ALKBH1: variants seen among roughly 807,000 people sequenced by gnomAD.
ALKBH1 encodes the protein alkB homolog 1, histone H2A dioxygenase, also known as nucleic acid dioxygenase ALKBH1.
ALKBH1 carries 31 observed loss-of-function variants against 36.6 expected under a neutral mutation model. The observed-to-expected ratio is 0.85, with a 90% CI of 0.64 to 1.14. ALKBH1 has a LOEUF of 1.14. Ranked by LOEUF, ALKBH1 falls within the 50% of genes most tolerant of loss-of-function variation. The pLI is 0.00. For synonymous variants in ALKBH1, 183 were observed against 186.6 expected, an observed-to-expected ratio of 0.98 and a Z score of 0.16; for missense variants, 490 against 497.3, an observed-to-expected ratio of 0.99 and a Z score of 0.14.
chr14:77,696,378 C>T (rs1022202843), intron 2 of ALKBH1, among the ~76,000 whole-genome samples: 12 of 152,166 alleles, frequency 7.9e-5, no homozygotes, highest in Middle Eastern at 3.4e-3. Context: ...TCAGTAGAGA[C>T]GGGGTTTCAC....
chr14:77,689,712 G>A (rs1288566691), intron 3 of ALKBH1, among the ~76,000 whole-genome samples: 2 of 152,000 alleles, frequency 1.3e-5, no homozygotes, highest in African/African-American at 4.8e-5. Flanking sequence ...AAGAGGAGAG[G>A]ATTAATTCTG....
rs766835374 is a variant in ALKBH1 at position 77,707,856 on chromosome 14, T to C, written c.149A>G (p.His50Arg). ...LEGVIDFSAA[H>R]AARGKGPGAQ... ...ACCAGGACCCTTGCCACGGGCTGCG[T>C]GGGCCGCCGAGAAGTCGATGACCCC... Residue 50 changes from histidine (H) to arginine (R), a missense_variant, in exon 1 of 6, where the codon CAC becomes CGC. By Grantham distance (29) the His-to-Arg change is conservative. Transcript: ENST00000216489. 6.2e-7 allele frequency: 1 copy of C among 1,612,210 alleles called. No individual in the cohort carries two copies.
intron 3 of ALKBH1, chr14:77,683,153 T>A: frequency 9.5e-6 from 1 of 105,036 alleles, no homozygotes; most frequent in Non-Finnish European, 2.0e-5. Context: ...TAAAGTCTTT[T>A]TTTTTTTTTT....
At chr14:77,683,583 T>C (rs1477632087) in intron 3 of ALKBH1, 2 of 460,070 alleles carry the variant, frequency 4.3e-6, no homozygotes, top group Non-Finnish European at 8.1e-6. Flanking sequence ...CATCCTCCTT[T>C]TTTTTTGAGA....
intron 1 of ALKBH1, 84 bp downstream of exon 1, chr14:77,707,738 G>A (rs1022058424): frequency 2.0e-6 from 3 of 1,478,092 alleles, no homozygotes; most frequent in Non-Finnish European, 2.7e-6. Flanking sequence ...GTCTGGAGGT[G>A]AAAAGAGGCG....
In ALKBH1 at chr14:77,675,742, G is replaced by C. The variant is rs771184895; in HGVS notation, c.654C>G (p.Ile218Met). The change falls in exon 5 of 6, where the codon ATC (isoleucine) becomes ATG (methionine). Residue 218 changes from isoleucine (I) to methionine (M), a missense_variant. Physicochemically the swap from Ile to Met is conservative, Grantham distance 10. Coordinates refer to ENST00000216489, the MANE Select transcript of ALKBH1 (RefSeq NM_006020.3). ...TGGAGTCCAGGCGGTAGTAATTCAG[G>C]ATCCCTGCTTCAGCTCGGAAATCCT... ...GFEDFRAEAG[I>M]LNYYRLDSTL... The C allele has an allele frequency of 6.2e-7, 1 of 1,614,042 alleles. No homozygotes were observed. Among genetic ancestry groups the C allele is most frequent in the Non-Finnish European group, 8.5e-7 (1 of 1,180,034 alleles).
In ALKBH1 at chr14:77,679,915, C is replaced by G; in HGVS notation, c.511G>C (p.Val171Leu). The change falls in exon 4 of 6, where the codon GTG (valine) becomes CTG (leucine). Residue 171 changes from valine (V) to leucine (L), a missense_variant. By Grantham distance (32) the Val-to-Leu change is conservative. Transcript: ENST00000216489. Reference sequence around the variant, plus strand: ...CAGTTATAATGGTAGCCTACGGTCACCCAACGCAGTTTCTCCAGTAAACTT... The same window carrying G: ...CAGTTATAATGGTAGCCTACGGTCAGCCAACGCAGTTTCTCCAGTAAACTT... ...PRSLLEKLRWVTVGYHYNWDS... is the reference protein window; with the variant it reads ...PRSLLEKLRWLTVGYHYNWDS... 4.3e-6 allele frequency: 7 copies of G among 1,614,138 alleles called. No homozygotes were observed. Among genetic ancestry groups the G allele is most frequent in the Non-Finnish European group, 5.9e-6 (7 of 1,179,984 alleles).
intron 1 of ALKBH1, among the ~76,000 whole-genome samples, chr14:77,705,408 T>TGAGAAAAAA (rs1475359823): frequency 3.5e-5 from 2 of 57,490 alleles, no homozygotes; most frequent in African/African-American, 7.0e-5. Context: ...AGACTCCGTC[T>TGAGAAAAAA]AAGAAAAAAA....
chr14:77,676,225 C>T (rs2080205058), intron 4 of ALKBH1, among the ~76,000 whole-genome samples: 1 of 151,482 alleles, frequency 6.6e-6, no homozygotes, highest in Admixed American at 6.6e-5. Flanking sequence ...TCAAATGATC[C>T]TCCTGCCTCA....
intron 3 of ALKBH1, among the ~76,000 whole-genome samples, chr14:77,682,769 C>G (rs111689743): frequency 0.065 from 9,828 of 152,226 alleles, 381 homozygotes; most frequent in African/African-American, 0.095. Context: ...ACGATCTTGG[C>G]TCACTGCAAC....
intron 3 of ALKBH1, among the ~76,000 whole-genome samples, chr14:77,692,370 G>A (rs1041752065): frequency 1.3e-5 from 2 of 151,506 alleles, no homozygotes; most frequent in African/African-American, 2.4e-5. Flanking sequence ...TTTCATGGAA[G>A]AGAATTTGTC....
At chr14:77,686,692 C>T (rs571551630) in intron 3 of ALKBH1, among the ~76,000 whole-genome samples, 16 of 152,262 alleles carry the variant, frequency 1.1e-4, no homozygotes, top group Admixed American at 5.9e-4. Flanking sequence ...GGCGTGATCT[C>T]GGCTCACTGC....
rs761922490 is a variant in ALKBH1, at chr14:77,704,494, A to C, written c.184-17T>G. ...TTTGATCACCTGGCAGGAAGGAAAC[A>C]GAAGTTAAAGGACTAAATCTATTTT... On this transcript the variant is annotated splice_polypyrimidine_tract_variant and intron_variant, in intron 1 of 5. Coordinates refer to ENST00000216489, the MANE Select transcript of ALKBH1 (RefSeq NM_006020.3). The C allele has an allele frequency of 6.3e-7, 1 of 1,599,064 alleles. No homozygotes were observed. The highest frequency in any genetic ancestry group is 8.6e-7 in the Non-Finnish European group (1 of 1,166,354).
chr14:77,706,164 T>C (rs1210672569), intron 1 of ALKBH1, among the ~76,000 whole-genome samples: 2 of 152,066 alleles, frequency 1.3e-5, no homozygotes, highest in Non-Finnish European at 2.9e-5. Flanking sequence ...TCTTATCAAC[T>C]TCTCCAAGTG....
chr14:77,686,317 A>C (rs751137398), intron 3 of ALKBH1, among the ~76,000 whole-genome samples: 3 of 152,210 alleles, frequency 2.0e-5, no homozygotes, highest in Non-Finnish European at 4.4e-5. Flanking sequence ...ACTTGTCCAA[A>C]AGGAGGTCAA....
chr14:77,680,294 A>T (rs2080229712), intron 3 of ALKBH1, among the ~76,000 whole-genome samples: 2 of 152,326 alleles, frequency 1.3e-5, no homozygotes, highest in African/African-American at 4.8e-5. Flanking sequence ...TCCATGGGAA[A>T]TGGTACCAAG....
chr14:77,704,448 A>G lies in ALKBH1; in HGVS notation c.213T>C (p.Ser71=). 1 of 1,614,194 alleles carries G rather than the reference A, an allele frequency of 6.2e-7. No individual in the cohort carries two copies. The highest frequency in any genetic ancestry group is 8.5e-7 in the Non-Finnish European group (1 of 1,180,012). ...KVIKSQLNVS[S]VSEQNAYRAG... The stretch of plus-strand genomic sequence containing the variant: ...CTCTATATGCATTCTGCTCACTGAC[A>G]GAAGACACATTTAGCTGAGATTTGA... Residue 71 remains serine, a synonymous_variant, in exon 2 of 6, where the codon TCT becomes TCC. Transcript: ENST00000216489.
rs775609008 is a variant in ALKBH1, at chr14:77,679,892, G to T, written c.534C>A (p.Asn178Lys). 1 of 1,613,944 alleles carries T rather than the reference G, an allele frequency of 6.2e-7. No individual in the cohort carries two copies. The highest frequency in any genetic ancestry group is 1.7e-5 in the Admixed American group (1 of 60,014). The change falls in exon 4 of 6, where the codon AAC becomes AAA. Residue 178 changes from asparagine (N) to lysine (K), a missense_variant. Asn to Lys is a moderately conservative substitution (Grantham distance 94). Transcript: ENST00000216489. ...LRWVTVGYHY[N>K]WDSKKYSADH... is the part of the protein sequence containing the mutation. ...AAAACCTGAATACCTTACTGTCCCA[G>T]TTATAATGGTAGCCTACGGTCACCC... is the stretch of plus-strand genomic sequence containing the variant.
rs2080227056 is a variant in ALKBH1 at position 77,679,850 on chromosome 14, A to G, written c.546+30T>C. 1.9e-6 allele frequency: 3 copies of G among 1,563,644 alleles called. No homozygotes were observed. The South Asian group carries it at 3.3e-5, about 17-fold the overall frequency. On this transcript the variant is annotated intron_variant, in intron 4 of 5. Transcript: ENST00000216489. Reference sequence around the variant, plus strand: ...GTGGGCTAAAGAAGCCTATAAACAGAAAACAAAAGAATTAAGAAAACCTGA... The same window carrying G: ...GTGGGCTAAAGAAGCCTATAAACAGGAAACAAAAGAATTAAGAAAACCTGA...
Sources: gnomAD v4.1 joint callset for allele counts (sites outside exome capture counted in the v4.1 genomes callset) on GRCh38, gnomAD v4.1.1 for gene constraint, MANE v1.5 for transcripts, NCBI Gene and HGNC (gene_info 2026-07-23, HGNC 2026-07-21) for gene names.